Variants in CCDC6 observed in about 807,000 individuals in gnomAD.
CCDC6 encodes coiled-coil domain-containing protein 6.
Under a neutral mutation model 56.6 loss-of-function variants are expected in CCDC6, and 20 were observed. The observed-to-expected ratio is 0.35, with a 90% confidence interval of 0.25 to 0.51. The LOEUF (loss-of-function observed/expected upper bound fraction) is 0.51, where lower values mean the gene tolerates loss of function less well. Ranked by LOEUF, CCDC6 falls within the 20% of genes least tolerant of loss-of-function variation. The probability of loss-of-function intolerance (pLI) is 0.95; values close to 1 mark genes in which losing one functional copy is unlikely to be tolerated. For missense variants in CCDC6, 367 were observed against 601.1 expected, an observed-to-expected ratio of 0.61 and a Z score of 4.07; for synonymous variants, 241 against 234.4, an observed-to-expected ratio of 1.03 and a Z score of -0.26.
intron 7 of CCDC6, among the ~76,000 whole-genome samples, chr10:59,795,028 A>G (rs996381310): frequency 6.6e-6 from 1 of 152,160 alleles, no homozygotes; most frequent in Non-Finnish European, 1.5e-5. Flanking sequence ...AAAATAGGGG[A>G]AAAGCTCCCT....
chr10:59,797,587 GCAA>G (rs1311468957), intron 7 of CCDC6, among the ~76,000 whole-genome samples: 2 of 30,170 alleles, frequency 6.6e-5, no homozygotes, highest in African/African-American at 4.2e-4. Context: ...GAACCTCCTA[GCAA>G]AAAAAAAAAA....
In CCDC6 at chr10:59,789,260, C is replaced by T. The variant is rs1173021793; in HGVS notation, c.*3657G>A. 1 of 231,684 alleles carries T rather than the reference C, an allele frequency of 4.3e-6. No homozygotes were observed. The highest frequency in any genetic ancestry group is 6.1e-5 in the East Asian group (1 of 16,368). 14.4% of individuals were successfully genotyped at this position (231,684 alleles called of 1,614,324 possible). On this transcript the variant is annotated 3_prime_UTR_variant, in exon 9 of 9. Transcript: ENST00000263102. ...AGTTGTGCAGTAACCCGAGTTAAGG[C>T]ATGAATGCAGACACACACATGCACA...
chr10:59,839,260 T>C (rs1226243493), intron 2 of CCDC6, among the ~76,000 whole-genome samples: 2 of 152,238 alleles, frequency 1.3e-5, no homozygotes, highest in African/African-American at 4.8e-5. Flanking sequence ...TGATGTGTGC[T>C]GCCATCCTAG....
At chr10:59,860,103 C>T (rs546245640) in intron 1 of CCDC6, among the ~76,000 whole-genome samples, 1 of 152,162 alleles carries the variant, frequency 6.6e-6, no homozygotes, top group South Asian at 2.1e-4. Flanking sequence ...AAATAAAATA[C>T]CTCAAGCCAC....
chr10:59,883,677 T>C (rs1268704904), intron 1 of CCDC6, among the ~76,000 whole-genome samples: 2 of 152,204 alleles, frequency 1.3e-5, no homozygotes. Flanking sequence ...TTTTGTTGGT[T>C]TCACGTACAC....
intron 7 of CCDC6, among the ~76,000 whole-genome samples, chr10:59,798,582 C>T (rs2070544096): frequency 6.6e-6 from 1 of 151,986 alleles, no homozygotes; most frequent in African/African-American, 2.4e-5. Context: ...TTACTGGAAT[C>T]ACAAGAACTT....
chr10:59,798,347 A>T lies in CCDC6; in HGVS notation c.1106-3750T>A, dbSNP rs543129141. Among the ~76,000 whole-genome samples the T allele has an allele frequency of 2.6e-5, 4 of 152,360 alleles. No individual in the cohort carries two copies. The South Asian group carries it at 8.3e-4, about 32-fold the overall frequency. On this transcript the variant is annotated intron_variant, in intron 7 of 8. Transcript: ENST00000263102. ...TGTCTTTTTTGTTTCCATGACAGAG[A>T]TATTCAGCCAAGCCTTCCTTTAGTT... is the stretch of plus-strand genomic sequence containing the variant.
At chr10:59,875,693 C>T (rs2132671546) in intron 1 of CCDC6, among the ~76,000 whole-genome samples, 1 of 152,306 alleles carries the variant, frequency 6.6e-6, no homozygotes, top group Admixed American at 6.5e-5. Context: ...CGATGCTATT[C>T]TTCCATCAAC....
chr10:59,830,070 A>C (rs1455897461), intron 3 of CCDC6, among the ~76,000 whole-genome samples: 2 of 152,198 alleles, frequency 1.3e-5, no homozygotes, highest in Non-Finnish European at 2.9e-5. Context: ...ACATGCCCAA[A>C]CCTACACTTA....
Position 59,789,597 on chromosome 10 carries a change from G to A in CCDC6, c.*3320C>T, listed in dbSNP as rs371011515. The A allele has an allele frequency of 4.3e-6, 1 of 230,730 alleles. No homozygotes were observed. The highest frequency in any genetic ancestry group is 8.6e-6 in the Non-Finnish European group (1 of 116,238). 14.3% of individuals were successfully genotyped at this position (230,730 alleles called of 1,614,324 possible). On this transcript the variant is annotated 3_prime_UTR_variant, in exon 9 of 9. Transcript: ENST00000263102. ...TTTAACAATTTGGAAATAAAAGGTT[G>A]TTTTACTATGTATTTCTTTGGTAGT... is the stretch of plus-strand genomic sequence containing the variant.
intron 7 of CCDC6, among the ~76,000 whole-genome samples, chr10:59,800,707 T>G (rs1014474056): frequency 6.6e-6 from 1 of 151,916 alleles, no homozygotes; most frequent in Middle Eastern, 3.2e-3. Flanking sequence ...TTTTTTTTCC[T>G]TAAGTTCTAA....
intron 2 of CCDC6, among the ~76,000 whole-genome samples, chr10:59,843,098 G>C (rs1010210796): frequency 1.3e-5 from 2 of 152,240 alleles, no homozygotes; most frequent in Admixed American, 6.5e-5. Context: ...GTGTTAGCCA[G>C]GATGGTCTCG....
intron 3 of CCDC6, among the ~76,000 whole-genome samples, chr10:59,823,118 C>T (rs1000151258): frequency 3.9e-5 from 6 of 152,186 alleles, no homozygotes; most frequent in Admixed American, 1.3e-4. Context: ...CATTTACCAT[C>T]CTTCAATTCA....
intron 1 of CCDC6, among the ~76,000 whole-genome samples, chr10:59,866,778 T>C (rs1209643373): frequency 6.6e-6 from 1 of 152,162 alleles, no homozygotes; most frequent in African/African-American, 2.4e-5. Flanking sequence ...TAACAATACC[T>C]TCCTCTGATC....
At chr10:59,874,138 C>CACACAT (rs2071257622) in intron 1 of CCDC6, among the ~76,000 whole-genome samples, 1 of 151,832 alleles carries the variant, frequency 6.6e-6, no homozygotes, top group Admixed American at 6.6e-5. Context: ...CACACACACA[C>CACACAT]ACACACGCAC....
chr10:59,890,182 C>T lies in CCDC6; in HGVS notation c.303+15940G>A, dbSNP rs184933108. The stretch of plus-strand genomic sequence containing the variant: ...TTCTCCCAGTACCACTGCAGGCTGG[C>T]GAGGAAAGGAGACATAAAACAAGGG... On this transcript the variant is annotated intron_variant, in intron 1 of 8. Transcript: ENST00000263102. Among the ~76,000 whole-genome samples, 345 of 152,116 alleles carry T rather than the reference C, an allele frequency of 2.3e-3. 2 individuals are homozygous for T. Among genetic ancestry groups the T allele is most frequent in the African/African-American group, 7.8e-3 (324 of 41,482 alleles).
At chr10:59,820,539 G>T (rs542052256) in intron 3 of CCDC6, among the ~76,000 whole-genome samples, 3 of 152,188 alleles carry the variant, frequency 2.0e-5, no homozygotes, top group Admixed American at 6.5e-5. Context: ...AACACAGTTT[G>T]CCAGGCACTT....
chr10:59,896,137 C>G (rs1336881442), intron 1 of CCDC6, among the ~76,000 whole-genome samples: 1 of 152,152 alleles, frequency 6.6e-6, no homozygotes, highest in Non-Finnish European at 1.5e-5. Context: ...AACCTGCATC[C>G]TTTCCCTGTA....
rs560959972 is a variant in CCDC6 at position 59,869,689 on chromosome 10, C to G, written c.304-16987G>C. Among the ~76,000 whole-genome samples the G allele has an allele frequency of 5.3e-5, 8 of 152,248 alleles. No individual in the cohort carries two copies. In the East Asian group the frequency reaches 1.5e-3, roughly 29 times the overall value. The stretch of plus-strand genomic sequence containing the variant: ...TGTGCTCATACAACCCGTGCTCATT[C>G]TGCACACCCACAGTTTTAGAGATGG... On this transcript the variant is annotated intron_variant, in intron 1 of 8. Coordinates refer to ENST00000263102, the MANE Select transcript of CCDC6 (RefSeq NM_005436.5).
Sources: allele counts gnomAD v4.1 joint callset (sites outside exome capture counted in the v4.1 genomes callset), GRCh38; gene constraint gnomAD v4.1.1; transcripts MANE v1.5; gene names NCBI Gene and HGNC (gene_info 2026-07-23, HGNC 2026-07-21).